CTNNA2: variants seen among roughly 807,000 people sequenced by gnomAD.
The protein encoded by CTNNA2 is catenin alpha-2.
In CTNNA2, 42 loss-of-function variants were observed where a neutral mutation model predicts 101.0. The ratio of observed to expected loss-of-function variants is 0.42; its 90% CI spans 0.32 to 0.54. The LOEUF (loss-of-function observed/expected upper bound fraction) is 0.54, where lower values mean the gene tolerates loss of function less well. Ranked by LOEUF, CTNNA2 falls within the 20% of genes least tolerant of loss-of-function variation. The pLI, the probability that CTNNA2 is intolerant of heterozygous loss-of-function variation, is 0.14. For synonymous variants in CTNNA2, 450 were observed against 456.4 expected (o/e 0.99, Z 0.18); for missense variants, 871 against 1,223.1 (o/e 0.71, Z 4.29).
chr2:79,858,092 G>A lies in CTNNA2; in HGVS notation c.378G>A (p.Ala126=), dbSNP rs372587283. 191 of 1,614,032 alleles carry A rather than the reference G, an allele frequency of 1.2e-4. No individual in the cohort carries two copies. Among genetic ancestry groups the A allele is most frequent in the East Asian group, 6.0e-4 (27 of 44,874 alleles). The change falls in exon 4 of 19, where the codon GCG becomes GCA. Residue 126 remains alanine, a synonymous_variant. Coordinates refer to ENST00000402739, the MANE Select transcript of CTNNA2 (RefSeq NM_001282597.3). The part of the protein sequence containing the change: ...SSVKRGTMVR[A]ARALLSAVTR... ...TAAAGCGCGGCACCATGGTACGGGC[G>A]GCAAGGGCTTTGCTCTCCGCGGTGA...
intron 15 of CTNNA2, among the ~76,000 whole-genome samples, chr2:80,598,218 C>T (rs1697156310): frequency 6.6e-6 from 1 of 151,944 alleles, no homozygotes. Flanking sequence ...AAAAAAACAC[C>T]ACATGTTCTC....
At chr2:79,882,314 G>A (rs1042758283) in intron 6 of CTNNA2, among the ~76,000 whole-genome samples, 12 of 152,094 alleles carry the variant, frequency 7.9e-5, no homozygotes, top group African/African-American at 2.9e-4. Flanking sequence ...GAGTATCTTA[G>A]TGATGTTTTC....
intron 1 of CTNNA2, among the ~76,000 whole-genome samples, chr2:79,629,270 GA>G (rs5832397): frequency 0.44 from 66,295 of 151,980 alleles, 14,944 homozygotes; most frequent in East Asian, 0.71. Context: ...AATTGCCTTT[GA>G]AAGGTACTGA....
In CTNNA2 at chr2:80,104,856, C is replaced by T. The variant is rs185433328; in HGVS notation, c.1056+195059C>T. Among the ~76,000 whole-genome samples, 22 of 152,244 alleles carry T rather than the reference C, an allele frequency of 1.4e-4. No homozygotes were observed. In the East Asian group the frequency reaches 4.1e-3, roughly 28 times the overall value. On this transcript the variant is annotated intron_variant, in intron 7 of 18. Transcript: ENST00000402739. ...TAGTCAATTTTTAAACATGTTTCCT[C>T]ATTAATTTTGAATTTGTAAATGTAC...
intron 7 of CTNNA2, among the ~76,000 whole-genome samples, chr2:80,247,752 A>G (rs898898035): frequency 6.6e-6 from 1 of 152,132 alleles, no homozygotes; most frequent in Non-Finnish European, 1.5e-5. Flanking sequence ...TTTGGCACGT[A>G]CAAAACACTC....
At chr2:79,579,242 CT>C (rs1270965392) in intron 1 of CTNNA2, among the ~76,000 whole-genome samples, 30 of 147,220 alleles carry the variant, frequency 2.0e-4, no homozygotes, top group African/African-American at 6.8e-4. Flanking sequence ...CCTTCCCTTC[CT>C]TCCCTCCCTC....
chr2:80,213,359 A>G (rs1301801519), intron 7 of CTNNA2, among the ~76,000 whole-genome samples: 2 of 152,124 alleles, frequency 1.3e-5, no homozygotes, highest in Non-Finnish European at 2.9e-5. Flanking sequence ...TTAGTGCTAT[A>G]AATTTCCCTC....
intron 18 of CTNNA2, among the ~76,000 whole-genome samples, chr2:80,631,300 T>G (rs1672259846): frequency 6.6e-6 from 1 of 152,116 alleles, no homozygotes; most frequent in South Asian, 2.1e-4. Flanking sequence ...AGGTAGTACT[T>G]TTTTTTCAAA....
chr2:79,961,558 C>G (rs1473303488), intron 7 of CTNNA2, among the ~76,000 whole-genome samples: 2 of 152,038 alleles, frequency 1.3e-5, no homozygotes, highest in Admixed American at 6.6e-5. Flanking sequence ...CGTGGTGGCT[C>G]ACGCCTGTAA....
At chr2:79,206,004 A>C (rs1188102204) in intron 2 of CTNNA2, among the ~76,000 whole-genome samples, 1 of 152,200 alleles carries the variant, frequency 6.6e-6, no homozygotes, top group Non-Finnish European at 1.5e-5. Flanking sequence ...GAAGCTGAAA[A>C]AACAGTCAAA....
At chr2:79,560,738 A>G (rs575770179) in intron 1 of CTNNA2, among the ~76,000 whole-genome samples, 1 of 152,064 alleles carries the variant, frequency 6.6e-6, no homozygotes, top group South Asian at 2.1e-4. Flanking sequence ...TGATCTAAAG[A>G]GCTACAGAAG....
chr2:80,149,195 G>A (rs1208204162), intron 7 of CTNNA2, among the ~76,000 whole-genome samples: 1 of 152,016 alleles, frequency 6.6e-6, no homozygotes, highest in East Asian at 1.9e-4. Context: ...AGTGTATCCA[G>A]CTAATTTTTA....
intron 2 of CTNNA2, among the ~76,000 whole-genome samples, chr2:79,672,336 C>G (rs889503941): frequency 6.6e-6 from 1 of 152,172 alleles, no homozygotes; most frequent in Non-Finnish European, 1.5e-5. Flanking sequence ...ATTACTCACT[C>G]TGATCGTTAA....
chr2:79,436,245 CAGG>C (rs149820610), intron 4 of CTNNA2, among the ~76,000 whole-genome samples: 2,429 of 152,244 alleles, frequency 0.016, 37 homozygotes, highest in Non-Finnish European at 0.024. Flanking sequence ...GATCATCAAA[CAGG>C]AGGAGGACAA....
chr2:79,247,039 G>T (rs187475862), intron 2 of CTNNA2, among the ~76,000 whole-genome samples: 3 of 152,310 alleles, frequency 2.0e-5, no homozygotes, highest in Non-Finnish European at 4.4e-5. Flanking sequence ...TGCTGTTGCA[G>T]AAACCGGCAG....
intron 7 of CTNNA2, among the ~76,000 whole-genome samples, chr2:80,083,122 A>G (rs116804387): frequency 0.01 from 1,584 of 152,196 alleles, 22 homozygotes; most frequent in African/African-American, 0.036. Context: ...CATTCAAGAC[A>G]TGGTTTGCCT....
intron 7 of CTNNA2, among the ~76,000 whole-genome samples, chr2:80,143,984 G>A (rs1703173651): frequency 6.6e-6 from 1 of 152,044 alleles, no homozygotes; most frequent in South Asian, 2.1e-4. Flanking sequence ...AAAGTTTTGG[G>A]GGCTAGAGGT....
chr2:80,109,311 A>G (rs1238334839), intron 7 of CTNNA2, among the ~76,000 whole-genome samples: 1 of 150,020 alleles, frequency 6.7e-6, no homozygotes, highest in African/African-American at 2.5e-5. Context: ...TACAAAAAAC[A>G]TTAGCCAGGC....
At chr2:79,589,613 A>G (rs1676713841) in intron 1 of CTNNA2, among the ~76,000 whole-genome samples, 1 of 152,174 alleles carries the variant, frequency 6.6e-6, no homozygotes, top group Non-Finnish European at 1.5e-5. Flanking sequence ...GATAAAGAAG[A>G]AAGTGAATTA....
Sources: allele counts gnomAD v4.1 joint callset (sites outside exome capture counted in the v4.1 genomes callset), GRCh38; gene constraint gnomAD v4.1.1; transcripts MANE v1.5; gene names NCBI Gene and HGNC (gene_info 2026-07-23, HGNC 2026-07-21).